Variants in CEPT1 observed in about 807,000 individuals in gnomAD.
CEPT1 encodes choline/ethanolamine phosphotransferase 1.
Under a neutral mutation model 42.6 loss-of-function variants are expected in CEPT1, and 7 were observed. The ratio of observed to expected loss-of-function variants is 0.16; its 90% CI spans 0.09 to 0.31. CEPT1 has a LOEUF of 0.31. Among genes scored for constraint, CEPT1 ranks in the 10% least tolerant of loss-of-function variants. CEPT1 has a pLI of 1.00. For synonymous variants in CEPT1, 171 were observed against 171.9 expected (o/e 0.99, Z 0.04); for missense variants, 306 against 502.1 (o/e 0.61, Z 3.73).
At chr1:111,165,467 C>T (rs1323963652) in intron 4 of CEPT1, among the ~76,000 whole-genome samples, 1 of 152,014 alleles carries the variant, frequency 6.6e-6, no homozygotes, top group African/African-American at 2.4e-5. Flanking sequence ...ATAAATTGAA[C>T]TTGGGCCAAT....
At chr1:111,147,551 T>G (rs150282466) in intron 1 of CEPT1, 91 bp from the exon 2 acceptor site, 19 of 520,076 alleles carry the variant, frequency 3.7e-5, no homozygotes, top group Non-Finnish European at 6.2e-5. Flanking sequence ...ACAATTTGAT[T>G]TTTTGTTTCC....
intron 2 of CEPT1, among the ~76,000 whole-genome samples, chr1:111,158,285 G>T (rs1310273191): frequency 1.3e-5 from 2 of 152,232 alleles, no homozygotes; most frequent in East Asian, 3.9e-4. Flanking sequence ...CCCAGGAGGC[G>T]GAGGTTGCAG....
At chr1:111,144,588 G>C (rs1654851037) in intron 1 of CEPT1, among the ~76,000 whole-genome samples, 1 of 152,220 alleles carries the variant, frequency 6.6e-6, no homozygotes, top group Non-Finnish European at 1.5e-5. Flanking sequence ...TTATCAACTA[G>C]TCCTGCCAAA....
At position 111,184,247 on chromosome 1, in the gene CEPT1, G is replaced by A. The variant is rs3795823; in HGVS notation, c.1188G>A (p.Ala396=). 425,388 of 1,611,924 alleles carry A rather than the reference G, an allele frequency of 0.26. 59,361 individuals carry two copies. Among genetic ancestry groups the A allele is most frequent in the East Asian group, 0.34 (15,407 of 44,826 alleles). Residue 396 remains alanine (A), a synonymous_variant, in exon 9 of 9, where the codon GCG becomes GCA. Transcript: ENST00000357172. ...RYCVSVCNQI[A]SHLHIHVFRI... ...GTGTCAGTGTTTGCAATCAGATTGCGTCTCACCTGCACATACATGTCTTCA... is the reference window on the plus strand; with the variant it reads ...GTGTCAGTGTTTGCAATCAGATTGCATCTCACCTGCACATACATGTCTTCA...
At chr1:111,170,784 A>AT (rs1656377295) in intron 4 of CEPT1, among the ~76,000 whole-genome samples, 2 of 152,098 alleles carry the variant, frequency 1.3e-5, no homozygotes, top group Admixed American at 6.6e-5. Flanking sequence ...CAAATAGATG[A>AT]TTTTTTTAAA....
At chr1:111,150,943 T>G (rs942778739) in intron 2 of CEPT1, among the ~76,000 whole-genome samples, 13 of 152,200 alleles carry the variant, frequency 8.5e-5, no homozygotes, top group African/African-American at 3.1e-4. Flanking sequence ...TCTTGCAACT[T>G]GGTATATGTT....
chr1:111,167,076 AT>A, intron 4 of CEPT1: 15 of 979,070 alleles, frequency 1.5e-5, no homozygotes, highest in Non-Finnish European at 1.8e-5. Context: ...GAGTAAAGTT[AT>A]TTTGAAATGT....
intron 4 of CEPT1, among the ~76,000 whole-genome samples, chr1:111,173,672 T>G (rs1656531772): frequency 6.6e-6 from 1 of 152,150 alleles, no homozygotes; most frequent in African/African-American, 2.4e-5. Flanking sequence ...CTCCCCAGTT[T>G]CTATACTATA....
intron 4 of CEPT1, among the ~76,000 whole-genome samples, chr1:111,166,252 T>G (rs572871827): frequency 7.2e-5 from 11 of 152,336 alleles, no homozygotes; most frequent in Non-Finnish European, 1.5e-4. Context: ...ATCATGGACA[T>G]CTATCTATCT....
rs545180398 is a variant in CEPT1, at chr1:111,183,678, C to G, written c.1131+91C>G. 1.5e-5 allele frequency: 19 copies of G among 1,255,162 alleles called. No homozygotes were observed. In the South Asian group the frequency reaches 2.3e-4, roughly 15 times the overall value. The allele number at this position is 1,255,162 out of a possible 1,614,324, so 77.8% of individuals were successfully genotyped here. On this transcript the variant is annotated intron_variant, in intron 8 of 8. Transcript: ENST00000357172. ...GATGACCCAGTCATGAAAGATCGTT[C>G]ATATAATTGTAATGATTTGGAATGT...
At chr1:111,146,860 G>A (rs1654995827) in intron 1 of CEPT1, among the ~76,000 whole-genome samples, 1 of 150,946 alleles carries the variant, frequency 6.6e-6, no homozygotes, top group Admixed American at 6.6e-5. Context: ...CTGTCTTAAA[G>A]TTAATTTTTT....
chr1:111,141,518 T>C (rs1334272322), intron 1 of CEPT1, among the ~76,000 whole-genome samples: 2 of 152,230 alleles, frequency 1.3e-5, no homozygotes, highest in African/African-American at 4.8e-5. Flanking sequence ...GATGTTCTTT[T>C]TGAGGGTCAT....
rs1557944623 is a variant in CEPT1 at position 111,183,594 on chromosome 1, A to G, written c.1131+7A>G. The G allele has an allele frequency of 1.9e-6, 3 of 1,609,854 alleles. No individual in the cohort carries two copies. The highest frequency in any genetic ancestry group is 2.5e-6 in the Non-Finnish European group (3 of 1,176,808). On this transcript the variant is annotated splice_region_variant and intron_variant, in intron 8 of 8. Coordinates refer to ENST00000357172, the MANE Select transcript of CEPT1 (RefSeq NM_006090.5). ...TGTACTTTGGATTGCCCTGGTAAGTATTGTACTAAGTCTTATTTCATGGTT... is the reference window on the plus strand; with the variant it reads ...TGTACTTTGGATTGCCCTGGTAAGTGTTGTACTAAGTCTTATTTCATGGTT...
At chr1:111,157,041 G>C (rs1451026763) in intron 2 of CEPT1, among the ~76,000 whole-genome samples, 1 of 151,960 alleles carries the variant, frequency 6.6e-6, no homozygotes, top group Non-Finnish European at 1.5e-5. Flanking sequence ...AGGGTCTTAC[G>C]GCAACTGGGA....
At chr1:111,156,789 A>G (rs911423840) in intron 2 of CEPT1, among the ~76,000 whole-genome samples, 3 of 152,162 alleles carry the variant, frequency 2.0e-5, no homozygotes, top group Non-Finnish European at 4.4e-5. Flanking sequence ...TAGCATGTAT[A>G]TATATATTTG....
intron 5 of CEPT1, among the ~76,000 whole-genome samples, chr1:111,175,964 G>A (rs1400511943): frequency 6.6e-6 from 1 of 152,076 alleles, no homozygotes; most frequent in Non-Finnish European, 1.5e-5. Context: ...AAAGTATAAG[G>A]GAAATTTACT....
At chr1:111,156,491 C>A (rs1316032055) in intron 2 of CEPT1, among the ~76,000 whole-genome samples, 1 of 152,132 alleles carries the variant, frequency 6.6e-6, no homozygotes, top group East Asian at 1.9e-4. Flanking sequence ...GGTGTCTAAT[C>A]TTTTGGCTTC....
At chr1:111,140,188 C>CA (rs1654328304), upstream of CEPT1, 1 of 152,284 alleles carries the variant, frequency 6.6e-6, no homozygotes, top group South Asian at 2.1e-4. Context: ...GCTGCTCGTT[C>CA]AAACCTTGTT....
At chr1:111,175,296 T>A (rs998107031) in intron 5 of CEPT1, among the ~76,000 whole-genome samples, 2 of 152,184 alleles carry the variant, frequency 1.3e-5, no homozygotes, top group African/African-American at 4.8e-5. Flanking sequence ...CTTAACTACA[T>A]GAGTCTACTA....
Sources: allele counts gnomAD v4.1 joint callset (sites outside exome capture counted in the v4.1 genomes callset), GRCh38; gene constraint gnomAD v4.1.1; transcripts MANE v1.5; gene names NCBI Gene and HGNC (gene_info 2026-07-23, HGNC 2026-07-21).